Variants in CDH10 observed in about 807,000 individuals in gnomAD.
CDH10 encodes cadherin-10.
CDH10 carries 30 observed loss-of-function variants against 73.1 expected under a neutral mutation model. The ratio of observed to expected loss-of-function variants is 0.41; its 90% CI spans 0.31 to 0.56. The LOEUF (loss-of-function observed/expected upper bound fraction) is 0.56, where lower values mean the gene tolerates loss of function less well. Ranked by LOEUF, CDH10 falls within the 20% of genes least tolerant of loss-of-function variation. CDH10 has a pLI of 0.27. For synonymous variants in CDH10, 345 were observed against 348.2 expected (o/e 0.99, Z 0.10); for missense variants, 815 against 973.7 (o/e 0.84, Z 2.17).
At chr5:24,541,752 T>C (rs979358395) in intron 2 of CDH10, among the ~76,000 whole-genome samples, 1 of 152,096 alleles carries the variant, frequency 6.6e-6, no homozygotes, top group African/African-American at 2.4e-5. Context: ...TTAAAAAGAA[T>C]TTTATGTTAA....
At chr5:24,626,902 A>T (rs1337288370) in intron 1 of CDH10, among the ~76,000 whole-genome samples, 1 of 146,538 alleles carries the variant, frequency 6.8e-6, no homozygotes, top group Non-Finnish European at 1.5e-5. Context: ...ATATATGTGT[A>T]TATATAAGTG....
chr5:24,491,030 G>T (rs964895116), intron 11 of CDH10, among the ~76,000 whole-genome samples: 17 of 152,044 alleles, frequency 1.1e-4, no homozygotes, highest in African/African-American at 3.1e-4. Flanking sequence ...CCGTATGGAG[G>T]ATGTTTCAGA....
intron 9 of CDH10, among the ~76,000 whole-genome samples, chr5:24,495,865 A>T (rs924935007): frequency 6.6e-4 from 97 of 147,934 alleles, no homozygotes; most frequent in Non-Finnish European, 1.3e-3. Context: ...ACAAAAAAAA[A>T]AAAAGAAAGA....
In CDH10 at chr5:24,644,830, A is replaced by T. The variant is rs1475423271; in HGVS notation, c.-360T>A. On this transcript the variant is annotated 5_prime_UTR_variant, in exon 1 of 12. Coordinates refer to ENST00000264463, the MANE Select transcript of CDH10 (RefSeq NM_006727.5). ...TCATTCAGTGCTTCTGATTAAGGGG[A>T]AAGGAAAAAAAAAAAAAAGGAAAGG... 1 of 59,242 alleles carries T rather than the reference A, an allele frequency of 1.7e-5. No individual in the cohort carries two copies. The highest frequency in any genetic ancestry group is 5.6e-5 in the Non-Finnish European group (1 of 17,786). 3.7% of individuals were successfully genotyped at this position (59,242 alleles called of 1,614,324 possible). A position where few individuals can be genotyped will look rare whatever the true frequency, so the allele number is the denominator to read the frequency against.
chr5:24,508,465 G>C (rs535792938), intron 7 of CDH10, among the ~76,000 whole-genome samples: 1 of 152,066 alleles, frequency 6.6e-6, no homozygotes, highest in African/African-American at 2.4e-5. Context: ...AACTTTGATG[G>C]CTGTGCATTA....
Position 24,535,172 on chromosome 5 carries a change from TC to T in CDH10, c.753del (p.Thr252GlnfsTer4). 6.2e-7 allele frequency: 1 copy of T among 1,613,504 alleles called. No homozygotes were observed. Among genetic ancestry groups the T allele is most frequent in the Non-Finnish European group, 8.5e-7 (1 of 1,179,688 alleles). ...DMGGQMGGLS[G>X]TTTVNITLTD... ...GTCAGCGTGATGTTCACAGTGGTTG[TC>T]CCCGATAAGCCTCCCATCTGGCCGC... is the stretch of plus-strand genomic sequence containing the variant. On this transcript the variant is annotated frameshift_variant, in exon 5 of 12. Transcript: ENST00000264463. LOFTEE classifies it high-confidence loss of function.
chr5:24,504,000 T>C (rs1474274704), intron 8 of CDH10, among the ~76,000 whole-genome samples: 3 of 152,186 alleles, frequency 2.0e-5, no homozygotes, highest in East Asian at 1.9e-4. Context: ...TTTAATGTTT[T>C]TAATTTTTCC....
intron 2 of CDH10, among the ~76,000 whole-genome samples, chr5:24,583,961 G>A (rs539554251): frequency 5.1e-4 from 77 of 152,208 alleles, no homozygotes; most frequent in African/African-American, 1.7e-3. Context: ...TCTTAATAAT[G>A]GCGAATGAGG....
chr5:24,526,983 C>T (rs1309572516), intron 5 of CDH10, among the ~76,000 whole-genome samples: 1 of 150,966 alleles, frequency 6.6e-6, no homozygotes, highest in East Asian at 1.9e-4. Flanking sequence ...ATGTTCCTTC[C>T]CTCATTGCCC....
At chr5:24,577,263 AT>A (rs889340729) in intron 2 of CDH10, among the ~76,000 whole-genome samples, 1 of 152,140 alleles carries the variant, frequency 6.6e-6, no homozygotes, top group Non-Finnish European at 1.5e-5. Context: ...TTGGCTGATT[AT>A]TTGTGACAAA....
Position 24,617,284 on chromosome 5 carries a change from C to A in CDH10, c.-123-23671G>T, listed in dbSNP as rs1016186078. Among the ~76,000 whole-genome samples the A allele has an allele frequency of 3.3e-5, 5 of 152,104 alleles. No individual in the cohort carries two copies. In the East Asian group the frequency reaches 7.8e-4, roughly 24 times the overall value. On this transcript the variant is annotated intron_variant, in intron 1 of 11. Transcript: ENST00000264463. ...GACAAAAAAATGTCTCCAGATACTGCCAAATACTATCTGGAGGGAAGGGAG... is the reference window on the plus strand; with the variant it reads ...GACAAAAAAATGTCTCCAGATACTGACAAATACTATCTGGAGGGAAGGGAG...
rs1364403854 is a variant in CDH10 at position 24,491,621 on chromosome 5, T to C, written c.1831A>G (p.Thr611Ala). Residue 611 changes from threonine (T) to alanine (A), a missense_variant, in exon 11 of 12, where the codon ACT becomes GCT. Thr to Ala is a moderately conservative substitution (Grantham distance 58). Transcript: ENST00000264463. ...EALLLPAGLSTGALIAILLCI... is the reference protein window; with the variant it reads ...EALLLPAGLSAGALIAILLCI... ...AGGAGGATGGCGATCAAGGCCCCAGTGCTGAGGCCGGCAGGGAGGAGCAGG... is the reference window on the plus strand; with the variant it reads ...AGGAGGATGGCGATCAAGGCCCCAGCGCTGAGGCCGGCAGGGAGGAGCAGG... 1 of 1,613,604 alleles carries C rather than the reference T, an allele frequency of 6.2e-7. No homozygotes were observed. Among genetic ancestry groups the C allele is most frequent in the African/African-American group, 1.3e-5 (1 of 75,036 alleles).
intron 1 of CDH10, among the ~76,000 whole-genome samples, chr5:24,607,772 A>C (rs987084889): frequency 1.3e-5 from 2 of 152,210 alleles, no homozygotes; most frequent in East Asian, 3.8e-4. Flanking sequence ...AAGTTTTGTC[A>C]TAATGAGGAA....
rs1744920128 is a variant in CDH10, at chr5:24,560,488, T to TC, written c.232-22815_232-22814insG. On this transcript the variant is annotated intron_variant, in intron 2 of 11. Coordinates refer to ENST00000264463, the MANE Select transcript of CDH10 (RefSeq NM_006727.5). Reference sequence around the variant, plus strand: ...CTTTTTGATAGAAACTATTGTGTTTTTTCATTGAGGTGTGCCCTAAGTTTG... The same window carrying TC: ...CTTTTTGATAGAAACTATTGTGTTTTCTTCATTGAGGTGTGCCCTAAGTTTG... Among the ~76,000 whole-genome samples, 4 of 151,788 alleles carry TC rather than the reference T, an allele frequency of 2.6e-5. No individual in the cohort carries two copies. The South Asian group carries it at 6.3e-4, about 24-fold the overall frequency.
chr5:24,580,909 T>C (rs1469296038), intron 2 of CDH10, among the ~76,000 whole-genome samples: 1 of 152,174 alleles, frequency 6.6e-6, no homozygotes, highest in Non-Finnish European at 1.5e-5. Flanking sequence ...ACTTCCATTG[T>C]CACATCTCTT....
chr5:24,506,092 G>A (rs1742688847), intron 7 of CDH10, among the ~76,000 whole-genome samples: 1 of 146,614 alleles, frequency 6.8e-6, no homozygotes, highest in South Asian at 2.1e-4. Flanking sequence ...TCCAGCCTGG[G>A]CAACACAGCA....
At chr5:24,601,426 A>G (rs989576258) in intron 1 of CDH10, among the ~76,000 whole-genome samples, 1 of 152,178 alleles carries the variant, frequency 6.6e-6, no homozygotes, top group Non-Finnish European at 1.5e-5. Context: ...AATAGATGTT[A>G]CTATGATTAA....
intron 5 of CDH10, among the ~76,000 whole-genome samples, chr5:24,519,484 C>G (rs1393711444): frequency 5.9e-5 from 9 of 151,890 alleles, no homozygotes. Flanking sequence ...CTTACAAATA[C>G]AGTATGTTTA....
chr5:24,555,452 A>G (rs1744732519), intron 2 of CDH10, among the ~76,000 whole-genome samples: 1 of 152,162 alleles, frequency 6.6e-6, no homozygotes, highest in Admixed American at 6.5e-5. Context: ...AATGAGCTCA[A>G]ACAGATGTAG....
Sources: allele counts gnomAD v4.1 joint callset (sites outside exome capture counted in the v4.1 genomes callset), GRCh38; gene constraint gnomAD v4.1.1; transcripts MANE v1.5; gene names NCBI Gene and HGNC (gene_info 2026-07-23, HGNC 2026-07-21).